The following HPSE2 variants were observed in gnomAD, a reference collection of about 807,000 sequenced individuals.
HPSE2 encodes heparanase 2 (inactive), also known as inactive heparanase-2.
Under a neutral mutation model 60.5 loss-of-function variants are expected in HPSE2, and 38 were observed. The observed-to-expected ratio is 0.63, with a 90% confidence interval of 0.48 to 0.82. HPSE2 has a LOEUF of 0.82. Among genes scored for constraint, HPSE2 ranks in the 40% least tolerant of loss-of-function variants. HPSE2 has a pLI of 0.00. For synonymous variants in HPSE2, 295 were observed against 293.2 expected, an observed-to-expected ratio of 1.01 and a Z score of -0.06; for missense variants, 713 against 740.4, an observed-to-expected ratio of 0.96 and a Z score of 0.43.
At chr10:98,826,996 A>T (rs1048551047) in intron 3 of HPSE2, among the ~76,000 whole-genome samples, 3 of 151,880 alleles carry the variant, frequency 2.0e-5, no homozygotes, top group Non-Finnish European at 2.9e-5. Context: ...AAATTTTTTT[A>T]AAAAATTAGC....
chr10:98,488,539 G>T (rs548782171), intron 10 of HPSE2, among the ~76,000 whole-genome samples: 1 of 152,198 alleles, frequency 6.6e-6, no homozygotes, highest in African/African-American at 2.4e-5. Context: ...ATGAGGAGAC[G>T]CAAATCCTGC....
intron 9 of HPSE2, among the ~76,000 whole-genome samples, chr10:98,496,489 C>CT (rs955040679): frequency 1.1e-4 from 16 of 152,292 alleles, no homozygotes; most frequent in African/African-American, 3.6e-4. Flanking sequence ...TTTGACCACT[C>CT]TGACTTCCTG....
At chr10:98,600,928 T>TATATA (rs1554950590) in intron 9 of HPSE2, among the ~76,000 whole-genome samples, 1 of 70,594 alleles carries the variant, frequency 1.4e-5, no homozygotes, top group East Asian at 5.4e-4. Context: ...TATATATATA[T>TATATA]ATATATATAT....
chr10:98,713,451 T>TA (rs1274846007), intron 5 of HPSE2, among the ~76,000 whole-genome samples: 1 of 151,884 alleles, frequency 6.6e-6, no homozygotes, highest in Non-Finnish European at 1.5e-5. Flanking sequence ...TTCTTTTTTT[T>TA]AACGTTTCCT....
chr10:99,178,641 C>T (rs2133822518), intron 2 of HPSE2, among the ~76,000 whole-genome samples: 1 of 152,078 alleles, frequency 6.6e-6, no homozygotes, highest in South Asian at 2.1e-4. Context: ...GCCTACCAAC[C>T]AAAAAAAGTC....
At chr10:98,547,285 C>G in intron 9 of HPSE2, among the ~76,000 whole-genome samples, 1 of 134,364 alleles carries the variant, frequency 7.4e-6, no homozygotes, top group Non-Finnish European at 1.6e-5. Context: ...TACCATTTGA[C>G]CCAGCCATCC....
intron 5 of HPSE2, among the ~76,000 whole-genome samples, chr10:98,702,676 T>C (rs1948442355): frequency 6.6e-6 from 1 of 152,206 alleles, no homozygotes; most frequent in Non-Finnish European, 1.5e-5. Flanking sequence ...AACCTGCTCC[T>C]GAATGACTCC....
intron 9 of HPSE2, among the ~76,000 whole-genome samples, chr10:98,535,210 G>C (rs1426668843): frequency 6.6e-6 from 1 of 152,092 alleles, no homozygotes; most frequent in Non-Finnish European, 1.5e-5. Context: ...AAAAAGTCCA[G>C]GCAATTTTAT....
the HPSE2 span, among the ~76,000 whole-genome samples, chr10:99,298,737 T>C: frequency 2.0e-5 from 3 of 151,670 alleles, no homozygotes; most frequent in Non-Finnish European, 2.9e-5. Flanking sequence ...TGCAGTGGCA[T>C]GATCTTGGCT....
intron 3 of HPSE2, among the ~76,000 whole-genome samples, chr10:99,006,855 G>C (rs997841578): frequency 6.6e-5 from 10 of 151,978 alleles, no homozygotes; most frequent in Non-Finnish European, 1.3e-4. Context: ...GTCAGGCCTG[G>C]AGCCAAGGGC....
chr10:98,945,165 C>A (rs564255124), intron 3 of HPSE2, among the ~76,000 whole-genome samples: 2 of 152,134 alleles, frequency 1.3e-5, no homozygotes, highest in East Asian at 3.9e-4. Flanking sequence ...ACTATCCCCA[C>A]CCAAAAAAAG....
chr10:99,129,578 T>C (rs1479357277), intron 3 of HPSE2, among the ~76,000 whole-genome samples: 1 of 152,068 alleles, frequency 6.6e-6, no homozygotes, highest in East Asian at 1.9e-4. Context: ...TTTAATTCTT[T>C]GAACTGAATC....
intron 3 of HPSE2, among the ~76,000 whole-genome samples, chr10:98,768,934 C>T (rs1589795985): frequency 6.6e-6 from 1 of 152,234 alleles, no homozygotes; most frequent in East Asian, 1.9e-4. Flanking sequence ...CCTGTAATCC[C>T]AGCTACTCAG....
chr10:98,890,357 A>G (rs1385720584), intron 3 of HPSE2, among the ~76,000 whole-genome samples: 2 of 152,166 alleles, frequency 1.3e-5, no homozygotes, highest in Non-Finnish European at 2.9e-5. Flanking sequence ...AGTAAACCTG[A>G]TAGAGAATTA....
chr10:98,774,964 A>C (rs566623617), intron 3 of HPSE2, among the ~76,000 whole-genome samples: 1 of 152,366 alleles, frequency 6.6e-6, no homozygotes, highest in African/African-American at 2.4e-5. Context: ...AATAAAACAC[A>C]CTTTAGTGTT....
the HPSE2 span, among the ~76,000 whole-genome samples, chr10:99,243,088 T>C: frequency 4.6e-5 from 7 of 152,202 alleles, no homozygotes; most frequent in African/African-American, 1.7e-4. Flanking sequence ...GCACAGTGGC[T>C]CACGCCTATA....
At chr10:99,093,945 GATAT>G (rs1843607917) in intron 3 of HPSE2, among the ~76,000 whole-genome samples, 1 of 151,998 alleles carries the variant, frequency 6.6e-6, no homozygotes, top group Non-Finnish European at 1.5e-5. Flanking sequence ...TATGTGTATA[GATAT>G]ATATTTTCAA....
intron 10 of HPSE2, among the ~76,000 whole-genome samples, chr10:98,485,076 A>G (rs1253570615): frequency 1.3e-5 from 2 of 152,160 alleles, no homozygotes; most frequent in Non-Finnish European, 2.9e-5. Flanking sequence ...AAAGGTGCTA[A>G]TTAAGAGTTG....
intron 3 of HPSE2, among the ~76,000 whole-genome samples, chr10:98,808,605 C>T (rs565046526): frequency 4.6e-5 from 7 of 152,004 alleles, no homozygotes; most frequent in African/African-American, 1.4e-4. Flanking sequence ...AGAAAAAAAA[C>T]AAAGTTCTCT....
Sources: allele counts gnomAD v4.1 joint callset (sites outside exome capture counted in the v4.1 genomes callset), GRCh38; gene constraint gnomAD v4.1.1; transcripts MANE v1.5; gene names NCBI Gene and HGNC (gene_info 2026-07-23, HGNC 2026-07-21).